RASEF: variants seen among roughly 807,000 people sequenced by gnomAD.
The protein encoded by RASEF is ras and EF-hand domain-containing protein.
A neutral mutation model predicts 90.1 loss-of-function variants in RASEF; 68 were observed. The observed-to-expected ratio is 0.75, with a 90% CI of 0.62 to 0.92. RASEF has a LOEUF of 0.92. Ranked by LOEUF, RASEF falls within the 40% of genes least tolerant of loss-of-function variation. The pLI is 0.00. For missense variants in RASEF, 949 were observed against 937.2 expected, an observed-to-expected ratio of 1.01 and a Z score of -0.16; for synonymous variants, 331 against 345.2, an observed-to-expected ratio of 0.96 and a Z score of 0.46.
chr9:83,195,935 G>C, the RASEF span, among the ~76,000 whole-genome samples: 36 of 152,192 alleles, frequency 2.4e-4, 1 homozygote, highest in Middle Eastern at 0.01. Context: ...AAAAAACAAG[G>C]GTGCAAGCAG....
chr9:83,117,327 A>G, the RASEF span, among the ~76,000 whole-genome samples: 1 of 152,202 alleles, frequency 6.6e-6, no homozygotes, highest in Non-Finnish European at 1.5e-5. Flanking sequence ...TTGTTTATGC[A>G]TAGAGCCTAT....
chr9:82,997,206 C>A, intron 13 of RASEF, 80 bp from the exon 14 acceptor site: 1 of 879,914 alleles, frequency 1.1e-6, no homozygotes, highest in East Asian at 2.5e-5. Flanking sequence ...TTTTTCTCCT[C>A]TTCTAAAATC....
chr9:82,988,820 C>T (rs536327872), intron 16 of RASEF, among the ~76,000 whole-genome samples: 8 of 152,284 alleles, frequency 5.3e-5, no homozygotes, highest in African/African-American at 1.4e-4. Flanking sequence ...CCAATTGAAC[C>T]TATTTTCTTT....
At chr9:83,197,828 T>A in the RASEF span, among the ~76,000 whole-genome samples, 1 of 152,206 alleles carries the variant, frequency 6.6e-6, no homozygotes, top group Non-Finnish European at 1.5e-5. Context: ...CTTGGCCACC[T>A]ACCAACAGCA....
chr9:82,984,277 T>A (rs1828671569), intron 16 of RASEF, among the ~76,000 whole-genome samples: 2 of 152,216 alleles, frequency 1.3e-5, no homozygotes, highest in South Asian at 4.1e-4. Flanking sequence ...ATTAATGAGA[T>A]AATGTGTAGA....
At position 83,001,273 on chromosome 9, in the gene RASEF, G is replaced by A. The variant is rs181142231; in HGVS notation, c.1203-143C>T. 2.3e-4 allele frequency: 143 copies of A among 610,746 alleles called. 2 individuals carry two copies. In the East Asian group the frequency reaches 3.6e-3, roughly 15 times the overall value. 37.8% of individuals were successfully genotyped at this position (610,746 alleles called of 1,614,324 possible). A position where few individuals can be genotyped will look rare whatever the true frequency, so the allele number is the denominator to read the frequency against. ...AGTGTTATTTCATGATTAGGCATTA[G>A]GGGAAATAAAATGCTCAAAGCACCA... On this transcript the variant is annotated intron_variant, in intron 9 of 16. Transcript: ENST00000376447.
At chr9:83,175,998 G>C in the RASEF span, among the ~76,000 whole-genome samples, 62 of 152,306 alleles carry the variant, frequency 4.1e-4, 1 homozygote, top group Middle Eastern at 6.8e-3. Flanking sequence ...ATGCTAGGCA[G>C]AATGTTCTAT....
chr9:83,087,405 T>TTCTCTCTCTCTCTC, the RASEF span, among the ~76,000 whole-genome samples: 9,388 of 115,336 alleles, frequency 0.081, 817 homozygotes, highest in Middle Eastern at 0.13. Flanking sequence ...TTCTCATTCA[T>TTCTCTCTCTCTCTC]TCTCTCTCTC....
chr9:83,203,822 G>A, the RASEF span, among the ~76,000 whole-genome samples: 2 of 152,134 alleles, frequency 1.3e-5, no homozygotes, highest in African/African-American at 2.4e-5. Context: ...GGTGCCAGCA[G>A]AACTAAGGGA....
chr9:82,980,228 A>G lies in RASEF; in HGVS notation c.*2449T>C, dbSNP rs1828574407. Reference sequence around the variant, plus strand: ...AGTAATATGCAAATGTATCAAGTCTAAGATAAAAACATTAAATATTTTTGT... The same window carrying G: ...AGTAATATGCAAATGTATCAAGTCTGAGATAAAAACATTAAATATTTTTGT... On this transcript the variant is annotated 3_prime_UTR_variant, in exon 17 of 17. Transcript: ENST00000376447. 1 of 152,230 alleles carries G rather than the reference A, an allele frequency of 6.6e-6. No individual in the cohort carries two copies. The highest frequency in any genetic ancestry group is 1.5e-5 in the Non-Finnish European group (1 of 68,026). 9.4% of individuals were successfully genotyped at this position (152,230 alleles called of 1,614,324 possible).
the RASEF span, among the ~76,000 whole-genome samples, chr9:83,128,746 C>T: frequency 6.6e-6 from 1 of 152,096 alleles, no homozygotes; most frequent in Non-Finnish European, 1.5e-5. Flanking sequence ...CACAAGTGGG[C>T]TGGGGCACAA....
the RASEF span, among the ~76,000 whole-genome samples, chr9:83,144,702 C>T: frequency 6.6e-6 from 1 of 152,134 alleles, no homozygotes; most frequent in Non-Finnish European, 1.5e-5. Context: ...GGAAACAGCA[C>T]CCAGAAATTA....
the RASEF span, among the ~76,000 whole-genome samples, chr9:83,150,704 T>C: frequency 6.6e-6 from 1 of 152,186 alleles, no homozygotes; most frequent in Non-Finnish European, 1.5e-5. Flanking sequence ...AGTTTCACCA[T>C]AATAAATGTT....
At chr9:83,117,732 G>T in the RASEF span, among the ~76,000 whole-genome samples, 1 of 152,180 alleles carries the variant, frequency 6.6e-6, no homozygotes, top group Admixed American at 6.5e-5. Flanking sequence ...AAATGTGGGA[G>T]AATGATAACT....
chr9:83,024,377 G>T (rs995038880), intron 2 of RASEF, among the ~76,000 whole-genome samples: 46 of 152,134 alleles, frequency 3.0e-4, no homozygotes, highest in African/African-American at 9.4e-4. Flanking sequence ...TAGATGGGGG[G>T]CATGTGTATG....
upstream of RASEF, among the ~76,000 whole-genome samples, chr9:83,066,224 T>C (rs1243503190): frequency 6.6e-6 from 1 of 152,218 alleles, no homozygotes; most frequent in Middle Eastern, 3.2e-3. Context: ...AAAATGTAAA[T>C]ATCAAGCAGA....
intron 1 of RASEF, among the ~76,000 whole-genome samples, chr9:83,037,498 C>T (rs889706492): frequency 6.6e-6 from 1 of 151,922 alleles, no homozygotes; most frequent in Non-Finnish European, 1.5e-5. Context: ...TATATTTTTA[C>T]CAAATTAAGA....
the RASEF span, among the ~76,000 whole-genome samples, chr9:83,180,493 T>TC: frequency 6.6e-6 from 1 of 151,928 alleles, no homozygotes; most frequent in Admixed American, 6.6e-5. Flanking sequence ...CTTTTTTTTT[T>TC]TTCAAAACAT....
In RASEF at chr9:83,004,550, T is replaced by C. The variant is rs1188784816; in HGVS notation, c.1150A>G (p.Arg384Gly). ...TGACCAATGAATTTGGGACTGCTTC[T>C]AGAAATTGTATTCCCTGGTGAGATA... ...NNISPGNTIS[R>G]SSPKFIGHSP... Residue 384 changes from arginine (R) to glycine (G), a missense_variant, in exon 9 of 17, where the codon AGA becomes GGA. Arg to Gly is a moderately radical substitution (Grantham distance 125, BLOSUM62 -2). Transcript: ENST00000376447. 1 of 1,599,362 alleles carries C rather than the reference T, an allele frequency of 6.3e-7. No individual in the cohort carries two copies. The highest frequency in any genetic ancestry group is 1.1e-5 in the South Asian group (1 of 90,812).
Sources: allele counts gnomAD v4.1 joint callset (sites outside exome capture counted in the v4.1 genomes callset), GRCh38; gene constraint gnomAD v4.1.1; transcripts MANE v1.5; gene names NCBI Gene and HGNC (gene_info 2026-07-23, HGNC 2026-07-21).